Variants in SLC5A4 observed in about 807,000 individuals in gnomAD.
SLC5A4 encodes the protein solute carrier family 5 member 4, also known as probable glucose sensor protein SLC5A4.
SLC5A4 carries 55 observed loss-of-function variants against 70.3 expected under a neutral mutation model. That is an observed-to-expected ratio of 0.78 (90% CI 0.63 to 0.98). SLC5A4 has a LOEUF of 0.98. SLC5A4 is among the 50% of genes least tolerant of loss of function. The pLI, the probability that SLC5A4 is intolerant of heterozygous loss-of-function variation, is 0.00. For synonymous variants in SLC5A4, 268 were observed against 305.7 expected (o/e 0.88, Z 1.29); for missense variants, 735 against 839.2 (o/e 0.88, Z 1.53).
chr22:32,306,102 G>C, the SLC5A4 span, among the ~76,000 whole-genome samples: 6 of 152,206 alleles, frequency 3.9e-5, no homozygotes, highest in South Asian at 1.0e-3. Context: ...AAACATTGAA[G>C]CAAACGTCAA....
At chr22:32,230,915 A>G in intron 10 of SLC5A4, 53 bp downstream of exon 10, 1 of 1,087,092 alleles carries the variant, frequency 9.2e-7, no homozygotes, top group Non-Finnish European at 1.4e-6. Context: ...CCCTTCCTCG[A>G]GGCCCGTCTT....
At chr22:32,317,423 G>A in the SLC5A4 span, among the ~76,000 whole-genome samples, 4 of 151,952 alleles carry the variant, frequency 2.6e-5, no homozygotes, top group Admixed American at 2.6e-4. Flanking sequence ...GCAGAAGAAA[G>A]GAACTCATAA....
At chr22:32,336,681 C>T in the SLC5A4 span, among the ~76,000 whole-genome samples, 5 of 152,246 alleles carry the variant, frequency 3.3e-5, no homozygotes, top group Non-Finnish European at 1.5e-5. Flanking sequence ...TGTGTTAGGT[C>T]TAGTTCATTC....
chr22:32,305,410 T>G, the SLC5A4 span, among the ~76,000 whole-genome samples: 1 of 149,086 alleles, frequency 6.7e-6, no homozygotes, highest in Non-Finnish European at 1.5e-5. Flanking sequence ...AGGAAAGATA[T>G]ATTTAACAAA....
the SLC5A4 span, among the ~76,000 whole-genome samples, chr22:32,300,482 C>T: frequency 2.0e-5 from 3 of 152,178 alleles, no homozygotes; most frequent in Non-Finnish European, 4.4e-5. Flanking sequence ...ACCCCTTGCA[C>T]TTCCCAAGTG....
chr22:32,292,179 TTA>T, the SLC5A4 span, among the ~76,000 whole-genome samples: 3 of 55,344 alleles, frequency 5.4e-5, no homozygotes, highest in Admixed American at 2.3e-4. Flanking sequence ...ATACTAGATA[TTA>T]TATATAATAC....
At chr22:32,219,217 C>A (rs1224506796) in intron 14 of SLC5A4, among the ~76,000 whole-genome samples, 1 of 152,178 alleles carries the variant, frequency 6.6e-6, no homozygotes, top group African/African-American at 2.4e-5. Flanking sequence ...GAAACAGGCA[C>A]TCTTCTATAT....
At chr22:32,233,232 G>A (rs567353703) in intron 8 of SLC5A4, among the ~76,000 whole-genome samples, 198 bp from the exon 9 acceptor site, 2 of 152,224 alleles carry the variant, frequency 1.3e-5, no homozygotes, top group African/African-American at 4.8e-5. Context: ...GTCCATCAGC[G>A]GATGAATGGA....
the SLC5A4 span, among the ~76,000 whole-genome samples, chr22:32,353,995 G>C: frequency 6.6e-4 from 100 of 151,264 alleles, no homozygotes; most frequent in Non-Finnish European, 1.2e-3. Flanking sequence ...GCCACAGATA[G>C]CGCACCCAAC....
At chr22:32,285,838 G>GC in the SLC5A4 span, among the ~76,000 whole-genome samples, 1 of 151,944 alleles carries the variant, frequency 6.6e-6, no homozygotes, top group East Asian at 1.9e-4. Flanking sequence ...CCGGGTTCAC[G>GC]CCATTCTCCT....
the SLC5A4 span, among the ~76,000 whole-genome samples, chr22:32,351,072 C>T: frequency 4.6e-5 from 7 of 152,104 alleles, no homozygotes; most frequent in Non-Finnish European, 8.8e-5. Context: ...TTTCCTGTTG[C>T]AACGATGTGA....
At chr22:32,233,106 C>T (rs1225242288) in intron 8 of SLC5A4, 72 bp from the exon 9 acceptor site, 5 of 1,527,160 alleles carry the variant, frequency 3.3e-6, no homozygotes, top group South Asian at 1.2e-5. Flanking sequence ...CGTCCCTTTC[C>T]AGAGTTTAAT....
At chr22:32,331,590 G>A in the SLC5A4 span, among the ~76,000 whole-genome samples, 1 of 152,188 alleles carries the variant, frequency 6.6e-6, no homozygotes, top group Non-Finnish European at 1.5e-5. Context: ...GGCAAGCGGT[G>A]GGGTGGAGAT....
the SLC5A4 span, among the ~76,000 whole-genome samples, chr22:32,309,027 C>T: frequency 6.6e-6 from 1 of 152,174 alleles, no homozygotes; most frequent in Non-Finnish European, 1.5e-5. Flanking sequence ...CAAGCTCTGC[C>T]TCCTGTGTTC....
the SLC5A4 span, among the ~76,000 whole-genome samples, chr22:32,290,976 T>A: frequency 1.3e-5 from 2 of 152,160 alleles, no homozygotes; most frequent in Non-Finnish European, 2.9e-5. Context: ...TCAGCCTCTT[T>A]TTTATGCTTG....
chr22:32,335,012 G>C, the SLC5A4 span, among the ~76,000 whole-genome samples: 1 of 152,210 alleles, frequency 6.6e-6, no homozygotes, highest in Non-Finnish European at 1.5e-5. Context: ...TGGGCAGGGA[G>C]AGAGCGGGGC....
the SLC5A4 span, among the ~76,000 whole-genome samples, chr22:32,333,389 G>A: frequency 2.0e-4 from 31 of 152,216 alleles, no homozygotes; most frequent in African/African-American, 7.2e-4. Context: ...AGGGGCCAGA[G>A]TGGGGAAACC....
the SLC5A4 span, among the ~76,000 whole-genome samples, chr22:32,330,619 A>G: frequency 1 from 111,963 of 112,448 alleles, 55,741 homozygotes; most frequent in Middle Eastern, 1. Context: ...TTGTGTCAGG[A>G]AGCTCTGGTG....
chr22:32,235,287 G>A (rs994681063), intron 7 of SLC5A4, among the ~76,000 whole-genome samples, 194 bp from the exon 8 acceptor site: 2 of 152,092 alleles, frequency 1.3e-5, no homozygotes, highest in African/African-American at 2.4e-5. Flanking sequence ...TTACTTTCAC[G>A]AAGTACACAA....
Sources: gnomAD v4.1 joint callset for allele counts (sites outside exome capture counted in the v4.1 genomes callset) on GRCh38, gnomAD v4.1.1 for gene constraint, MANE v1.5 for transcripts, NCBI Gene and HGNC (gene_info 2026-07-23, HGNC 2026-07-21) for gene names.